The following ZNF248 variants were observed in gnomAD, a reference collection of about 807,000 sequenced individuals.
The protein encoded by ZNF248 is zinc finger protein 248.
ZNF248 carries 20 observed loss-of-function variants against 44.3 expected under a neutral mutation model. The observed-to-expected ratio is 0.45, with a 90% confidence interval of 0.32 to 0.66. ZNF248 has a LOEUF of 0.66. Ranked by LOEUF, ZNF248 falls within the 30% of genes least tolerant of loss-of-function variation. ZNF248 has a pLI of 0.04. For synonymous variants in ZNF248, 224 were observed against 229.0 expected (o/e 0.98, Z 0.20); for missense variants, 654 against 677.0 (o/e 0.97, Z 0.38).
chr10:37,825,867 C>T (rs754008518), downstream of ZNF248, among the ~76,000 whole-genome samples: 18 of 147,466 alleles, frequency 1.2e-4, no homozygotes, highest in Non-Finnish European at 1.8e-4. Context: ...AATTTGAAGA[C>T]GACAACTTGG....
At chr10:37,766,987 C>G in the ZNF248 span, among the ~76,000 whole-genome samples, 1 of 152,074 alleles carries the variant, frequency 6.6e-6, no homozygotes, top group South Asian at 2.1e-4. Context: ...GCAGAAGTCT[C>G]AGGAGCCGAT....
intron 3 of ZNF248, among the ~76,000 whole-genome samples, chr10:37,854,717 A>AAGGGG (rs953270332): frequency 8.5e-5 from 13 of 152,226 alleles, no homozygotes; most frequent in African/African-American, 3.1e-4. Flanking sequence ...ATACACACAA[A>AAGGGG]ATTATAAATG....
intron 6 of ZNF248, among the ~76,000 whole-genome samples, chr10:37,779,152 T>C (rs559212947): frequency 6.8e-4 from 103 of 151,914 alleles, no homozygotes; most frequent in African/African-American, 2.3e-3. Context: ...GAATCCTCCC[T>C]AACTCATTTT....
chr10:37,798,948 T>C (rs1320319028), intron 6 of ZNF248, among the ~76,000 whole-genome samples: 2 of 152,138 alleles, frequency 1.3e-5, no homozygotes, highest in Non-Finnish European at 2.9e-5. Context: ...GTTTGCTATA[T>C]AGTATCTAGT....
At chr10:37,782,743 C>T (rs1159881174) in intron 6 of ZNF248, among the ~76,000 whole-genome samples, 1 of 152,062 alleles carries the variant, frequency 6.6e-6, no homozygotes, top group Non-Finnish European at 1.5e-5. Context: ...CAAGGAATTG[C>T]CAGCAACAAG....
chr10:37,843,293 C>T (rs889362570), intron 3 of ZNF248, among the ~76,000 whole-genome samples: 28 of 151,842 alleles, frequency 1.8e-4, no homozygotes, highest in Admixed American at 5.9e-4. Flanking sequence ...GGCGTGGTGG[C>T]GCATGCCTGT....
intron 6 of ZNF248, among the ~76,000 whole-genome samples, chr10:37,822,337 A>T (rs2053611874): frequency 1.3e-5 from 2 of 152,168 alleles, no homozygotes; most frequent in Non-Finnish European, 2.9e-5. Context: ...ACAACAATTA[A>T]AGTGTCATCT....
chr10:37,851,741 A>T (rs2060264048), intron 3 of ZNF248, among the ~76,000 whole-genome samples: 1 of 150,684 alleles, frequency 6.6e-6, no homozygotes, highest in Admixed American at 6.6e-5. Context: ...TAACAAAAAA[A>T]AATCACTATA....
At chr10:37,764,813 A>G in the ZNF248 span, among the ~76,000 whole-genome samples, 5 of 152,224 alleles carry the variant, frequency 3.3e-5, no homozygotes, top group African/African-American at 1.2e-4. Context: ...TCTCTATTTT[A>G]TGTCATATTT....
intron 6 of ZNF248, among the ~76,000 whole-genome samples, chr10:37,788,004 C>T (rs1475933592): frequency 1.3e-5 from 2 of 152,104 alleles, no homozygotes; most frequent in Non-Finnish European, 2.9e-5. Context: ...CATGGTGGCT[C>T]AAGTCTGTAA....
intron 6 of ZNF248, chr10:37,818,883 AG>A: frequency 9.4e-7 from 1 of 1,060,588 alleles, no homozygotes. Flanking sequence ...TATAGCCAAA[AG>A]GCTTCCCTCC....
At chr10:37,794,581 G>C (rs2048917440) in intron 6 of ZNF248, 1 of 160,956 alleles carries the variant, frequency 6.2e-6, no homozygotes, top group Non-Finnish European at 1.4e-5. Context: ...ACATTCATAA[G>C]GTTTTTCCCC....
In ZNF248 at chr10:37,838,054, G is replaced by A; in HGVS notation, c.73C>T (p.Leu25=). 6.2e-7 allele frequency: 1 copy of A among 1,613,702 alleles called. No homozygotes were observed. The highest frequency in any genetic ancestry group is 8.5e-7 in the Non-Finnish European group (1 of 1,179,728). ...VDFTQEEWYL[L]DPAQKILYRD... ...TATAGAATCTTCTGAGCAGGGTCCA[G>A]CAGATACCACTCTTCCTGAGTGAAG... The change falls in exon 4 of 6, where the codon CTG becomes TTG. Residue 25 remains leucine (L), a synonymous_variant. Transcript: ENST00000395867.
intron 3 of ZNF248, among the ~76,000 whole-genome samples, chr10:37,846,268 G>A (rs978326088): frequency 1.1e-4 from 16 of 152,130 alleles, no homozygotes; most frequent in African/African-American, 3.6e-4. Context: ...TATAGAATTC[G>A]AATTTCACCA....
At chr10:37,819,904 T>A (rs906302063) in intron 6 of ZNF248, 5 of 774,390 alleles carry the variant, frequency 6.5e-6, no homozygotes, top group Non-Finnish European at 1.2e-5. Context: ...CTGAAAAGCA[T>A]AACCATCTGC....
At chr10:37,823,963 T>C (rs1199070711), downstream of ZNF248, among the ~76,000 whole-genome samples, 1 of 152,100 alleles carries the variant, frequency 6.6e-6, no homozygotes, top group Middle Eastern at 3.2e-3. Flanking sequence ...AAGAATTCAG[T>C]ATATGATAAT....
In ZNF248 at chr10:37,831,464, T is replaced by C; in HGVS notation, c.*151A>G. 2 of 1,459,680 alleles carry C rather than the reference T, an allele frequency of 1.4e-6. No individual in the cohort carries two copies. Among genetic ancestry groups the C allele is most frequent in the African/African-American group, 2.9e-5 (2 of 69,912 alleles). 90.4% of individuals were successfully genotyped at this position (1,459,680 alleles called of 1,614,324 possible). On this transcript the variant is annotated 3_prime_UTR_variant, in exon 6 of 6. Transcript: ENST00000395867. ...ATAGAATTCCCCTCAGTACAAATTT[T>C]CTAATGAAAAGTTTTAATTTTTCTT...
chr10:37,804,143 C>A (rs1213702022), intron 6 of ZNF248, among the ~76,000 whole-genome samples: 1 of 127,496 alleles, frequency 7.8e-6, no homozygotes, highest in African/African-American at 3.0e-5. Context: ...CTCTCTCTGT[C>A]ACCCAGGCTG....
chr10:37,795,629 T>C (rs2049064714), intron 6 of ZNF248: 1 of 152,230 alleles, frequency 6.6e-6, no homozygotes, highest in Non-Finnish European at 1.5e-5. Flanking sequence ...ATCCTTTCCA[T>C]TTTGATTGTA....
Sources: gnomAD v4.1 joint callset for allele counts (sites outside exome capture counted in the v4.1 genomes callset) on GRCh38, gnomAD v4.1.1 for gene constraint, MANE v1.5 for transcripts, NCBI Gene and HGNC (gene_info 2026-07-23, HGNC 2026-07-21) for gene names.